The following BTG4 variants were observed in gnomAD, a reference collection of about 807,000 sequenced individuals.
The protein encoded by BTG4 is BTG anti-proliferation factor 4.
A neutral mutation model predicts 19.3 loss-of-function variants in BTG4; 10 were observed. The observed-to-expected ratio is 0.52, with a 90% confidence interval of 0.32 to 0.88. BTG4 has a LOEUF of 0.88. Ranked by LOEUF, BTG4 falls within the 40% of genes least tolerant of loss-of-function variation. The pLI, the probability that BTG4 is intolerant of heterozygous loss-of-function variation, is 0.04. For synonymous variants in BTG4, 91 were observed against 95.7 expected (o/e 0.95, Z 0.29); for missense variants, 238 against 281.9 (o/e 0.84, Z 1.11).
chr11:111,393,933 T>A, the BTG4 span, among the ~76,000 whole-genome samples: 7 of 152,334 alleles, frequency 4.6e-5, no homozygotes, highest in Admixed American at 3.9e-4. Context: ...AAATCTCAGG[T>A]CTACCTCTTA....
the BTG4 span, among the ~76,000 whole-genome samples, chr11:111,411,786 TC>T: frequency 6.6e-6 from 1 of 152,236 alleles, no homozygotes; most frequent in South Asian, 2.1e-4. Flanking sequence ...AAAAGTAAGC[TC>T]CATGGTAGCC....
intron 4 of BTG4, among the ~76,000 whole-genome samples, chr11:111,496,075 A>G (rs1865710823): frequency 1.3e-5 from 2 of 152,368 alleles, no homozygotes; most frequent in South Asian, 2.1e-4. Context: ...ATAATACATT[A>G]GAACTTCAAA....
chr11:111,404,314 A>T, the BTG4 span, among the ~76,000 whole-genome samples: 1 of 152,202 alleles, frequency 6.6e-6, no homozygotes, highest in Non-Finnish European at 1.5e-5. Context: ...ATGAAAATGG[A>T]CTAATACATC....
chr11:111,472,663 A>G (rs761810608), intron 5 of BTG4, among the ~76,000 whole-genome samples: 2 of 152,020 alleles, frequency 1.3e-5, no homozygotes, highest in Non-Finnish European at 2.9e-5. Flanking sequence ...TTTTCCCCCT[A>G]CTCAGCAGCT....
chr11:111,464,264 G>A (rs1035618024), downstream of BTG4, among the ~76,000 whole-genome samples: 1 of 152,218 alleles, frequency 6.6e-6, no homozygotes, highest in African/African-American at 2.4e-5. Flanking sequence ...CTCCCAAAAT[G>A]CTGGCATTAC....
chr11:111,453,264 A>C, the BTG4 span: 1 of 296,470 alleles, frequency 3.4e-6, no homozygotes, highest in South Asian at 3.1e-5. Flanking sequence ...AACGACAGAG[A>C]CCTAAACAAT....
the BTG4 span, among the ~76,000 whole-genome samples, chr11:111,421,112 TC>T: frequency 6.6e-6 from 1 of 152,100 alleles, no homozygotes; most frequent in Non-Finnish European, 1.5e-5. Context: ...GGAACCAAGG[TC>T]CCAAGTGGCT....
intron 1 of BTG4, among the ~76,000 whole-genome samples, chr11:111,499,313 C>T (rs1865925090): frequency 6.6e-6 from 1 of 152,160 alleles, no homozygotes; most frequent in South Asian, 2.1e-4. Flanking sequence ...CTTATGTTTC[C>T]AACTCTCACC....
At chr11:111,513,438 G>A (rs80067849), upstream of BTG4, 1 of 534,428 alleles carries the variant, frequency 1.9e-6, no homozygotes, top group East Asian at 5.4e-5. Context: ...TTTTTTCTAT[G>A]AGTCTAGTTA....
chr11:111,412,777 A>G, the BTG4 span, among the ~76,000 whole-genome samples: 4 of 152,220 alleles, frequency 2.6e-5, no homozygotes, highest in African/African-American at 9.7e-5. Flanking sequence ...AAAAAAATAA[A>G]ATCTGTAAGA....
the BTG4 span, among the ~76,000 whole-genome samples, chr11:111,389,281 A>G: frequency 6.6e-6 from 1 of 152,242 alleles, no homozygotes; most frequent in Non-Finnish European, 1.5e-5. Context: ...CGAGATATAA[A>G]TAGAAATGTC....
chr11:111,395,703 G>A, the BTG4 span, among the ~76,000 whole-genome samples: 1 of 152,352 alleles, frequency 6.6e-6, no homozygotes, highest in Admixed American at 6.5e-5. Context: ...GAGGGAGCAG[G>A]TGGGGCCCAC....
chr11:111,491,613 G>T (rs184482968), downstream of BTG4, among the ~76,000 whole-genome samples: 1 of 151,678 alleles, frequency 6.6e-6, no homozygotes, highest in Non-Finnish European at 1.5e-5. Flanking sequence ...CCAGGTGCCT[G>T]TAGTCCCAGC....
the BTG4 span, among the ~76,000 whole-genome samples, chr11:111,410,470 T>G: frequency 6.6e-6 from 1 of 152,206 alleles, no homozygotes; most frequent in Admixed American, 6.5e-5. Context: ...CACAACCCTA[T>G]AAGGTTTGGG....
chr11:111,445,419 C>T, the BTG4 span, among the ~76,000 whole-genome samples: 4 of 152,182 alleles, frequency 2.6e-5, no homozygotes, highest in African/African-American at 4.8e-5. Context: ...TCCTCTGAGC[C>T]TTTTCAGCCT....
At chr11:111,426,873 T>C in the BTG4 span, among the ~76,000 whole-genome samples, 2 of 152,210 alleles carry the variant, frequency 1.3e-5, no homozygotes, top group Non-Finnish European at 2.9e-5. Context: ...TGTATGTGCC[T>C]TAGCAGAGCA....
At chr11:111,391,385 T>C in the BTG4 span, among the ~76,000 whole-genome samples, 2 of 152,214 alleles carry the variant, frequency 1.3e-5, no homozygotes, top group African/African-American at 4.8e-5. Flanking sequence ...CAGGTTTATC[T>C]AGGAGAAATG....
chr11:111,393,629 C>T, the BTG4 span, among the ~76,000 whole-genome samples: 4 of 152,190 alleles, frequency 2.6e-5, no homozygotes, highest in Admixed American at 2.6e-4. Context: ...AGGAAAAACT[C>T]CCCAGTTACT....
intron 3 of BTG4, among the ~76,000 whole-genome samples, chr11:111,497,736 T>C (rs1437757040): frequency 6.6e-6 from 1 of 152,220 alleles, no homozygotes; most frequent in Non-Finnish European, 1.5e-5. Context: ...ATAGATACTG[T>C]TACCAATCTA....
Sources: gnomAD v4.1 joint callset for allele counts (sites outside exome capture counted in the v4.1 genomes callset) on GRCh38, gnomAD v4.1.1 for gene constraint, MANE v1.5 for transcripts, NCBI Gene and HGNC (gene_info 2026-07-23, HGNC 2026-07-21) for gene names.